SDK1: variants seen among roughly 807,000 people sequenced by gnomAD.
SDK1 encodes the protein protein sidekick-1.
In SDK1, 157 loss-of-function variants were observed where a neutral mutation model predicts 245.5. That is an observed-to-expected ratio of 0.64 (90% CI 0.56 to 0.73). The LOEUF (loss-of-function observed/expected upper bound fraction) is 0.73, where lower values mean the gene tolerates loss of function less well. Ranked by LOEUF, SDK1 falls within the 30% of genes least tolerant of loss-of-function variation. The pLI is 0.00. For missense variants in SDK1, 3,583 were observed against 3,002.3 expected (o/e 1.19, Z -4.52); for synonymous variants, 1,647 against 1,278.5 (o/e 1.29, Z -6.15).
intron 1 of SDK1, among the ~76,000 whole-genome samples, chr7:3,463,806 C>T (rs765935103): frequency 2.2e-4 from 33 of 152,112 alleles, no homozygotes; most frequent in Admixed American, 9.8e-4. Context: ...AACATGTTCC[C>T]TCCAGGACAG....
intron 1 of SDK1, among the ~76,000 whole-genome samples, chr7:3,539,826 C>T (rs757471524): frequency 1.1e-4 from 16 of 152,098 alleles, no homozygotes; most frequent in Non-Finnish European, 2.1e-4. Flanking sequence ...TAAACACTGC[C>T]CATTCTAGGA....
At chr7:3,921,555 G>A (rs957829142) in intron 5 of SDK1, among the ~76,000 whole-genome samples, 2 of 152,162 alleles carry the variant, frequency 1.3e-5, no homozygotes, top group African/African-American at 4.8e-5. Context: ...CTTCTCTATA[G>A]ACTTGCTAGC....
chr7:3,302,718 A>G lies in SDK1; in HGVS notation c.298+834A>G, dbSNP rs992615391. The stretch of plus-strand genomic sequence containing the variant: ...AACCAAAACACCCCCCTCAACCCAG[A>G]AATAACTATTTTAATACGTCCTTTG... On this transcript the variant is annotated intron_variant, in intron 1 of 44. Transcript: ENST00000404826. Among the ~76,000 whole-genome samples, 13 of 151,876 alleles carry G rather than the reference A, an allele frequency of 8.6e-5. 1 individual carries two copies. Among genetic ancestry groups the G allele is most frequent in the Admixed American group, 8.5e-4 (13 of 15,252 alleles).
At chr7:3,573,461 G>A (rs1482954011) in intron 1 of SDK1, among the ~76,000 whole-genome samples, 2 of 146,914 alleles carry the variant, frequency 1.4e-5, no homozygotes, top group Admixed American at 7.1e-5. Flanking sequence ...AGGGAAGACA[G>A]GCTTTGGGGA....
At chr7:3,866,907 G>A (rs982316180) in intron 5 of SDK1, among the ~76,000 whole-genome samples, 6 of 152,268 alleles carry the variant, frequency 3.9e-5, no homozygotes, top group East Asian at 1.9e-4. Context: ...GAGAGAACAC[G>A]TGGCCTCCAT....
rs376320883 is a variant in SDK1 at position 4,026,342 on chromosome 7, T to A, written c.2602+8990T>A. On this transcript the variant is annotated intron_variant, in intron 17 of 44. Transcript: ENST00000404826. The surrounding 1 kb of genome is among the most constrained non-coding windows in gnomAD (Gnocchi z 4.1). ...ACCCTCGGTGGCCTTGGGCCCATGT[T>A]TTAGAAGCTCAGCGTTTGGCATGGG... Among the ~76,000 whole-genome samples, 7 of 152,222 alleles carry A rather than the reference T, an allele frequency of 4.6e-5. No individual in the cohort carries two copies. Among genetic ancestry groups the A allele is most frequent in the African/African-American group, 1.7e-4 (7 of 41,450 alleles).
chr7:3,924,899 G>GC (rs1779715120), intron 5 of SDK1, among the ~76,000 whole-genome samples: 1 of 152,102 alleles, frequency 6.6e-6, no homozygotes, highest in Non-Finnish European at 1.5e-5. Context: ...GGTGCTTCAA[G>GC]CCTGGGGTCT....
intron 13 of SDK1, among the ~76,000 whole-genome samples, chr7:3,981,956 A>G (rs1301782324): frequency 7.2e-5 from 11 of 152,220 alleles, no homozygotes; most frequent in Non-Finnish European, 1.3e-4. Flanking sequence ...GTGTAGACGA[A>G]ACAGCCTTTT....
intron 4 of SDK1, among the ~76,000 whole-genome samples, chr7:3,687,640 G>A (rs985967345): frequency 1.5e-4 from 23 of 152,282 alleles, no homozygotes; most frequent in South Asian, 1.0e-3. Context: ...ATATGGTACG[G>A]CTCCATTTAT....
chr7:4,145,755 G>GC lies in SDK1; in HGVS notation c.4267dup (p.His1423ProfsTer101). 1 of 1,611,678 alleles carries GC rather than the reference G, an allele frequency of 6.2e-7. No individual in the cohort carries two copies. The highest frequency in any genetic ancestry group is 8.5e-7 in the Non-Finnish European group (1 of 1,179,052). On this transcript the variant is annotated frameshift_variant, in exon 29 of 45. Transcript: ENST00000404826. LOFTEE classifies it high-confidence loss of function. ...ATTGCCTACCGCCTGGCCAGCAGCA[G>GC]CCCCCACACCTTCACCACCGTGGAG...
chr7:3,831,824 A>C (rs932946176), intron 5 of SDK1, among the ~76,000 whole-genome samples: 1 of 152,128 alleles, frequency 6.6e-6, no homozygotes, highest in Non-Finnish European at 1.5e-5. Context: ...AGGCAGGAGC[A>C]TTGCTCGAGC....
intron 1 of SDK1, among the ~76,000 whole-genome samples, chr7:3,463,131 C>T (rs566190715): frequency 6.6e-6 from 1 of 152,144 alleles, no homozygotes; most frequent in East Asian, 1.9e-4. Flanking sequence ...GATCTTAACA[C>T]AAGTGTCATT....
rs763241372 is a variant in SDK1 at position 3,337,033 on chromosome 7, A to G, written c.298+35149A>G. Among the ~76,000 whole-genome samples, 115 of 152,106 alleles carry G rather than the reference A, an allele frequency of 7.6e-4. 2 individuals are homozygous for G. Among genetic ancestry groups the G allele is most frequent in the Non-Finnish European group, 2.8e-4 (19 of 68,042 alleles). ...GATACAATTCATACCAATTTATACA[A>G]TTCTACAGATCACTCATACCAAGAT... On this transcript the variant is annotated intron_variant, in intron 1 of 44. Transcript: ENST00000404826.
intron 1 of SDK1, among the ~76,000 whole-genome samples, chr7:3,578,293 G>A (rs1780366171): frequency 6.6e-6 from 1 of 151,910 alleles, no homozygotes; most frequent in South Asian, 2.1e-4. Context: ...TTAAGGGGAG[G>A]GGGTGCAAGA....
intron 22 of SDK1, among the ~76,000 whole-genome samples, chr7:4,106,498 A>G (rs1477083677): frequency 6.6e-6 from 1 of 151,876 alleles, no homozygotes; most frequent in African/African-American, 2.4e-5. Context: ...GGGTTTCACC[A>G]TGTTGGCCAG....
chr7:3,985,615 C>T (rs890976192), intron 13 of SDK1, among the ~76,000 whole-genome samples: 1 of 152,074 alleles, frequency 6.6e-6, no homozygotes, highest in Non-Finnish European at 1.5e-5. Context: ...ATAGTGAGGC[C>T]CTGTCTATAC....
intron 44 of SDK1, among the ~76,000 whole-genome samples, chr7:4,260,584 C>G (rs1165408778): frequency 8.4e-5 from 11 of 131,140 alleles, no homozygotes; most frequent in African/African-American, 3.4e-4. Flanking sequence ...GCTCCGGGGC[C>G]TCTGTGTGTG....
At chr7:3,705,407 G>A (rs955878070) in intron 4 of SDK1, among the ~76,000 whole-genome samples, 6 of 148,692 alleles carry the variant, frequency 4.0e-5, no homozygotes, top group African/African-American at 1.5e-4. Context: ...CACCTGCTTG[G>A]TTAAGTATAT....
At chr7:3,809,860 T>C (rs1044745095) in intron 4 of SDK1, among the ~76,000 whole-genome samples, 10 of 152,126 alleles carry the variant, frequency 6.6e-5, no homozygotes, top group Admixed American at 1.3e-4. Flanking sequence ...ACAGAAAGCA[T>C]TTGACTTGTC....
Sources: allele counts gnomAD v4.1 joint callset (sites outside exome capture counted in the v4.1 genomes callset), GRCh38; gene constraint gnomAD v4.1.1; non-coding constraint Gnocchi (gnomAD v3.1); transcripts MANE v1.5; gene names NCBI Gene and HGNC (gene_info 2026-07-23, HGNC 2026-07-21).